Variants in NGLY1 observed in about 807,000 individuals in gnomAD.
NGLY1 encodes the protein peptide-N(4)-(N-acetyl-beta-glucosaminyl)asparagine amidase.
NGLY1 carries 68 observed loss-of-function variants against 84.6 expected under a neutral mutation model. The observed-to-expected ratio is 0.80, with a 90% CI of 0.66 to 0.98. The LOEUF (loss-of-function observed/expected upper bound fraction) is 0.98. Ranked by LOEUF, NGLY1 falls within the 50% of genes least tolerant of loss-of-function variation. NGLY1 has a pLI of 0.00. For synonymous variants in NGLY1, 280 were observed against 275.2 expected (o/e 1.02, Z -0.17); for missense variants, 779 against 770.2 (o/e 1.01, Z -0.14).
chr3:25,764,983 A>G (rs904768826), intron 2 of NGLY1, among the ~76,000 whole-genome samples: 8 of 152,236 alleles, frequency 5.3e-5, no homozygotes, highest in African/African-American at 1.9e-4. Context: ...TCATTTAAAG[A>G]ATACCTATAA....
At chr3:25,773,861 C>T (rs991277434) in intron 2 of NGLY1, among the ~76,000 whole-genome samples, 9 of 152,194 alleles carry the variant, frequency 5.9e-5, no homozygotes, top group African/African-American at 2.2e-4. Context: ...TTCCTGAGAG[C>T]TGGACTGCAG....
chr3:25,770,532 G>A (rs768230314), intron 2 of NGLY1, among the ~76,000 whole-genome samples: 4 of 152,124 alleles, frequency 2.6e-5, no homozygotes, highest in South Asian at 2.1e-4. Flanking sequence ...AAAAACATGC[G>A]TGTGCAAGTA....
At chr3:25,721,537 A>C (rs961237941) in intron 10 of NGLY1, among the ~76,000 whole-genome samples, 4 of 150,230 alleles carry the variant, frequency 2.7e-5, no homozygotes, top group African/African-American at 9.8e-5. Context: ...GTGGATCACG[A>C]GGTCAGGAGA....
At chr3:25,789,213 T>A (rs9824020) in intron 1 of NGLY1, among the ~76,000 whole-genome samples, 397 of 152,298 alleles carry the variant, frequency 2.6e-3, no homozygotes, top group African/African-American at 9.0e-3. Flanking sequence ...GTTAATGAAT[T>A]TTTCACACTT....
intron 5 of NGLY1, 21 bp from the exon 6 acceptor site, chr3:25,737,476 A>C (rs767449195): frequency 6.5e-7 from 1 of 1,544,482 alleles, no homozygotes; most frequent in Non-Finnish European, 8.8e-7. Flanking sequence ...AAGAAAAAAA[A>C]CCTTAATTAT....
chr3:25,757,128 G>A (rs1372935820), intron 3 of NGLY1, among the ~76,000 whole-genome samples: 1 of 152,164 alleles, frequency 6.6e-6, no homozygotes, highest in Admixed American at 6.5e-5. Flanking sequence ...TCCAGTAACA[G>A]AGAAGAAATG....
rs1705799800 is a variant in NGLY1, at chr3:25,736,048, A to G, written c.1105T>C (p.Trp369Arg). The G allele has an allele frequency of 6.2e-7, 1 of 1,613,816 alleles. No homozygotes were observed. The highest frequency in any genetic ancestry group is 1.3e-5 in the African/African-American group (1 of 74,926). ...ATGACATAGGAAAGCTTCTTGCCCC[A>G]TCCTATTTCATAAAGGAGTGGCTTG... ...CDKPLLYEIGWGKKLSYVIAF... is the reference protein window; with the variant it reads ...CDKPLLYEIGRGKKLSYVIAF... Residue 369 changes from tryptophan (W) to arginine (R), a missense_variant, in exon 7 of 12, where the codon TGG (tryptophan) becomes CGG (arginine). By Grantham distance (101) the Trp-to-Arg change is moderately radical. Transcript: ENST00000280700.
chr3:25,762,092 G>A (rs1396628756), intron 3 of NGLY1, among the ~76,000 whole-genome samples: 2 of 151,634 alleles, frequency 1.3e-5, no homozygotes, highest in East Asian at 1.9e-4. Flanking sequence ...ACTGGCAAAC[G>A]TCAACATCAG....
At chr3:25,743,766 G>A (rs1383196287) in intron 4 of NGLY1, among the ~76,000 whole-genome samples, 1 of 152,106 alleles carries the variant, frequency 6.6e-6, no homozygotes, top group African/African-American at 2.4e-5. Flanking sequence ...TCAAGACCAA[G>A]AAGAAAGGAA....
intron 8 of NGLY1, 27 bp downstream of exon 8, chr3:25,733,845 C>T: frequency 6.6e-7 from 1 of 1,525,044 alleles, no homozygotes; most frequent in Non-Finnish European, 9.0e-7. Flanking sequence ...GTCAACTGTT[C>T]TTTCAAAAAA....
In NGLY1 at chr3:25,783,254, C is replaced by T; in HGVS notation, c.131+6G>A. 6.2e-7 allele frequency: 1 copy of T among 1,609,402 alleles called. No individual in the cohort carries two copies. The highest frequency in any genetic ancestry group is 8.5e-7 in the Non-Finnish European group (1 of 1,177,860). On this transcript the variant is annotated splice_donor_region_variant and intron_variant, in intron 1 of 11. Transcript: ENST00000280700. This position sits in a 1 kb window ranked among gnomAD's most constrained non-coding sequence, Gnocchi z 4.5. The stretch of plus-strand genomic sequence containing the variant: ...GTACCCGCCGTCCGACCCCGTTGCC[C>T]TGCACCTGAGGATGTTGTCAGCATA...
At chr3:25,725,207 G>A (rs915511797) in intron 10 of NGLY1, among the ~76,000 whole-genome samples, 1 of 152,130 alleles carries the variant, frequency 6.6e-6, no homozygotes, top group African/African-American at 2.4e-5. Flanking sequence ...CTACATTGTT[G>A]TCATGGTTAT....
intron 10 of NGLY1, among the ~76,000 whole-genome samples, chr3:25,726,224 C>T (rs190708907): frequency 1.3e-5 from 2 of 152,238 alleles, no homozygotes; most frequent in East Asian, 3.9e-4. Context: ...AGAATTTATG[C>T]CACGTACATT....
At chr3:25,771,452 A>G (rs530040377) in intron 2 of NGLY1, among the ~76,000 whole-genome samples, 15 of 152,270 alleles carry the variant, frequency 9.9e-5, no homozygotes, top group African/African-American at 3.4e-4. Flanking sequence ...GTCTTGTAGT[A>G]TAGTTTGAGG....
At chr3:25,762,891 T>C (rs1575648725) in intron 3 of NGLY1, among the ~76,000 whole-genome samples, 2 of 150,448 alleles carry the variant, frequency 1.3e-5, no homozygotes, top group Non-Finnish European at 3.0e-5. Flanking sequence ...GAGGTGGGGG[T>C]TGCAGTGAGC....
intron 2 of NGLY1, among the ~76,000 whole-genome samples, chr3:25,772,347 T>A (rs1362866039): frequency 6.6e-6 from 1 of 152,222 alleles, no homozygotes; most frequent in Non-Finnish European, 1.5e-5. Context: ...TGCATACATA[T>A]TTAGGACTGT....
At chr3:25,755,801 T>G (rs1707008314) in intron 3 of NGLY1, 7 of 595,092 alleles carry the variant, frequency 1.2e-5, no homozygotes, top group African/African-American at 1.8e-5. Context: ...TAGTTAAAAC[T>G]GTTAGATCTC....
At chr3:25,736,222 C>G (rs554155199) in intron 6 of NGLY1, 73 bp from the exon 7 acceptor site, 1 of 1,573,850 alleles carries the variant, frequency 6.4e-7, no homozygotes, top group Non-Finnish European at 8.6e-7. Context: ...TAACTATACA[C>G]AAACTCCTAA....
chr3:25,773,780 C>T (rs1708014746), intron 2 of NGLY1, among the ~76,000 whole-genome samples: 1 of 152,166 alleles, frequency 6.6e-6, no homozygotes, highest in African/African-American at 2.4e-5. Context: ...TCAAGGGCTG[C>T]TGTTCAGATT....
Sources: allele counts gnomAD v4.1 joint callset (sites outside exome capture counted in the v4.1 genomes callset), GRCh38; gene constraint gnomAD v4.1.1; non-coding constraint Gnocchi (gnomAD v3.1); transcripts MANE v1.5; gene names NCBI Gene and HGNC (gene_info 2026-07-23, HGNC 2026-07-21).